The following CDH13 variants were observed in gnomAD, a reference collection of about 807,000 sequenced individuals.
The protein encoded by CDH13 is cadherin-13.
A neutral mutation model predicts 63.8 loss-of-function variants in CDH13; 24 were observed. The ratio of observed to expected loss-of-function variants is 0.38; its 90% CI spans 0.27 to 0.53. The LOEUF (loss-of-function observed/expected upper bound fraction) is 0.53, where lower values mean the gene tolerates loss of function less well. Among genes scored for constraint, CDH13 ranks in the 20% least tolerant of loss-of-function variants. The probability of loss-of-function intolerance (pLI) is 0.85; values close to 1 mark genes in which losing one functional copy is unlikely to be tolerated. For missense variants in CDH13, 1,049 were observed against 903.1 expected (o/e 1.16, Z -2.07); for synonymous variants, 503 against 355.3 (o/e 1.42, Z -4.67).
chr16:83,558,506 C>G (rs906889513), intron 7 of CDH13, among the ~76,000 whole-genome samples: 7 of 152,238 alleles, frequency 4.6e-5, no homozygotes, highest in African/African-American at 1.7e-4. Context: ...ATGTATGTGT[C>G]ACTGCCTTAG....
At chr16:82,904,933 C>G (rs933906321) in intron 2 of CDH13, among the ~76,000 whole-genome samples, 1 of 152,124 alleles carries the variant, frequency 6.6e-6, no homozygotes, top group African/African-American at 2.4e-5. Flanking sequence ...AGTGCAGTTT[C>G]TCCCTAAATG....
intron 8 of CDH13, among the ~76,000 whole-genome samples, chr16:83,670,389 C>T (rs1370024764): frequency 2.3e-5 from 3 of 130,800 alleles, no homozygotes; most frequent in African/African-American, 1.0e-4. Flanking sequence ...CACCAGGTTG[C>T]TCCCCTCCAT....
At chr16:83,662,987 C>G (rs1056099796) in intron 8 of CDH13, among the ~76,000 whole-genome samples, 5 of 152,166 alleles carry the variant, frequency 3.3e-5, no homozygotes, top group Admixed American at 6.5e-5. Context: ...GTAAATTTTT[C>G]TCTCAATTTC....
chr16:83,750,681 G>A (rs1298900993), intron 11 of CDH13, among the ~76,000 whole-genome samples: 1 of 152,194 alleles, frequency 6.6e-6, no homozygotes, highest in Non-Finnish European at 1.5e-5. Context: ...TCAGGGTGAT[G>A]CTTCTGCAAG....
chr16:83,232,533 C>A (rs1279930910), intron 5 of CDH13, among the ~76,000 whole-genome samples: 1 of 135,082 alleles, frequency 7.4e-6, no homozygotes, highest in African/African-American at 3.3e-5. Context: ...CAAAAAACGA[C>A]AACAACAACA....
intron 1 of CDH13, among the ~76,000 whole-genome samples, chr16:82,725,109 GATGGTGATGGTGATGTTGATGGTC>G (rs142102624): frequency 0.061 from 9,221 of 152,166 alleles, 300 homozygotes; most frequent in Non-Finnish European, 0.07. Flanking sequence ...TGGTTGTGCG[GATGGTGATGGTGATGTTGATGGTC>G]ATGGTGATGG....
intron 7 of CDH13, among the ~76,000 whole-genome samples, chr16:83,494,086 G>A (rs2074079965): frequency 6.6e-6 from 1 of 152,166 alleles, no homozygotes; most frequent in Admixed American, 6.5e-5. Flanking sequence ...ACTTTATCAT[G>A]AAGAAAGATT....
At chr16:83,520,351 T>A (rs2151618268) in intron 7 of CDH13, among the ~76,000 whole-genome samples, 1 of 152,210 alleles carries the variant, frequency 6.6e-6, no homozygotes, top group East Asian at 1.9e-4. Flanking sequence ...ATCAGAATAG[T>A]GACTACCTTG....
At chr16:82,830,089 C>T (rs191856025) in intron 1 of CDH13, among the ~76,000 whole-genome samples, 6 of 152,070 alleles carry the variant, frequency 3.9e-5, no homozygotes. Context: ...ATTGTTACTA[C>T]TTTTTTTTCC....
At chr16:83,099,332 AT>A (rs898949501) in intron 3 of CDH13, among the ~76,000 whole-genome samples, 38 of 151,794 alleles carry the variant, frequency 2.5e-4, no homozygotes, top group African/African-American at 8.2e-4. Flanking sequence ...CATTTTACAC[AT>A]TTTTTTTAAG....
chr16:82,789,935 T>C (rs2036211559), intron 1 of CDH13, among the ~76,000 whole-genome samples: 1 of 152,162 alleles, frequency 6.6e-6, no homozygotes, highest in Non-Finnish European at 1.5e-5. Context: ...GTAGGTGTTC[T>C]ACAATCCTGA....
intron 1 of CDH13, among the ~76,000 whole-genome samples, chr16:82,749,218 T>A (rs1178831761): frequency 6.6e-6 from 1 of 152,054 alleles, no homozygotes; most frequent in African/African-American, 2.4e-5. Context: ...TGACAGACCT[T>A]ACGGTGTTAT....
intron 1 of CDH13, among the ~76,000 whole-genome samples, chr16:82,654,540 TTCTG>T (rs1169450916): frequency 4.6e-5 from 7 of 152,206 alleles, no homozygotes; most frequent in Non-Finnish European, 8.8e-5. Context: ...AATGGCTTCC[TTCTG>T]TCTTTTTGAA....
intron 1 of CDH13, among the ~76,000 whole-genome samples, chr16:82,796,525 G>A (rs889978858): frequency 1.3e-5 from 2 of 152,150 alleles, no homozygotes; most frequent in Non-Finnish European, 2.9e-5. Context: ...CATTCTAAAG[G>A]GCACAGTTTT....
At chr16:83,268,512 C>G (rs16960037) in intron 5 of CDH13, among the ~76,000 whole-genome samples, 17,293 of 152,164 alleles carry the variant, frequency 0.11, 1,215 homozygotes, top group African/African-American at 0.19. Context: ...TATTTGATGT[C>G]ATATGAGTTA....
chr16:83,313,956 C>G (rs141866342), intron 5 of CDH13, among the ~76,000 whole-genome samples: 1 of 152,126 alleles, frequency 6.6e-6, no homozygotes, highest in Non-Finnish European at 1.5e-5. Flanking sequence ...GTTCATTTGT[C>G]TGTTTCATTA....
intron 7 of CDH13, among the ~76,000 whole-genome samples, chr16:83,581,766 C>A (rs1905626990): frequency 6.6e-6 from 1 of 152,136 alleles, no homozygotes; most frequent in Non-Finnish European, 1.5e-5. Context: ...CTGCAATGAG[C>A]CAAAATCATG....
intron 1 of CDH13, among the ~76,000 whole-genome samples, chr16:82,852,298 C>T (rs546771484): frequency 1.3e-5 from 2 of 152,320 alleles, no homozygotes; most frequent in Non-Finnish European, 2.9e-5. Flanking sequence ...TCAGCTGCTG[C>T]AACAAACAAC....
chr16:83,108,437 A>G (rs13332791), intron 3 of CDH13, among the ~76,000 whole-genome samples: 153 of 152,262 alleles, frequency 1.0e-3, no homozygotes, highest in African/African-American at 3.3e-3. Flanking sequence ...AGGAATAATA[A>G]CTCTCAGCAA....
Sources: gnomAD v4.1 joint callset for allele counts (sites outside exome capture counted in the v4.1 genomes callset) on GRCh38, gnomAD v4.1.1 for gene constraint, MANE v1.5 for transcripts, NCBI Gene and HGNC (gene_info 2026-07-23, HGNC 2026-07-21) for gene names.